The following RAB3GAP2 variants were observed in gnomAD, a reference collection of about 807,000 sequenced individuals.
RAB3GAP2 encodes the protein RAB3 GTPase activating non-catalytic protein subunit 2.
In RAB3GAP2, 87 loss-of-function variants were observed where a neutral mutation model predicts 185.3. The ratio of observed to expected loss-of-function variants is 0.47; its 90% CI spans 0.39 to 0.56. RAB3GAP2 has a LOEUF of 0.56. Among genes scored for constraint, RAB3GAP2 ranks in the 20% least tolerant of loss-of-function variants. RAB3GAP2 has a pLI of 0.00. For synonymous variants in RAB3GAP2, 554 were observed against 576.1 expected (o/e 0.96, Z 0.55); for missense variants, 1,492 against 1,638.2 (o/e 0.91, Z 1.54).
Position 220,216,661 on chromosome 1 carries a change from ACT to A in RAB3GAP2, c.181-2684_181-2683del, listed in dbSNP as rs543534564. ...TGATAAGAAATTAGGAGGGTCCAAA[ACT>A]CTTTGATTGGTCTCTGACTCTTATC... On this transcript the variant is annotated intron_variant, in intron 2 of 34. Coordinates refer to ENST00000358951, the MANE Select transcript of RAB3GAP2 (RefSeq NM_012414.4). Among the ~76,000 whole-genome samples, 25 of 152,102 alleles carry A rather than the reference ACT, an allele frequency of 1.6e-4. No homozygotes were observed. The South Asian group carries it at 5.2e-3, about 32-fold the overall frequency.
intron 12 of RAB3GAP2, among the ~76,000 whole-genome samples, chr1:220,193,844 T>C (rs1658671251): frequency 1.3e-5 from 2 of 152,204 alleles, no homozygotes; most frequent in Admixed American, 1.3e-4. Flanking sequence ...TCTAAACTTC[T>C]GTTGTTCTAT....
At chr1:220,180,859 G>T (rs1005156403) in intron 21 of RAB3GAP2, among the ~76,000 whole-genome samples, 1 of 152,092 alleles carries the variant, frequency 6.6e-6, no homozygotes, top group Admixed American at 6.5e-5. Context: ...AAATGGGGGT[G>T]TGTGAAAGAG....
At chr1:220,247,524 G>A (rs1271413946) in intron 1 of RAB3GAP2, among the ~76,000 whole-genome samples, 1 of 152,176 alleles carries the variant, frequency 6.6e-6, no homozygotes, top group African/African-American at 2.4e-5. Context: ...AAAACCGTAT[G>A]TCCTCCCTTG....
chr1:220,149,347 TTGTC>T lies in RAB3GAP2; in HGVS notation c.*1900_*1903del, dbSNP rs1311591560. Reference sequence around the variant, plus strand: ...TGTTCTCAGCAATCCCCAGATTTGATTGTCTGTTCTACCAGAGTAAGCTTAACCA... The same window carrying T: ...TGTTCTCAGCAATCCCCAGATTTGATTGTTCTACCAGAGTAAGCTTAACCA... On this transcript the variant is annotated 3_prime_UTR_variant, in exon 35 of 35. Coordinates refer to ENST00000358951, the MANE Select transcript of RAB3GAP2 (RefSeq NM_012414.4). The T allele has an allele frequency of 2.0e-5, 3 of 152,208 alleles. No individual in the cohort carries two copies. Among genetic ancestry groups the T allele is most frequent in the African/African-American group, 4.8e-5 (2 of 41,456 alleles). 9.4% of individuals were successfully genotyped at this position (152,208 alleles called of 1,614,324 possible). A position where few individuals can be genotyped will look rare whatever the true frequency, so the allele number is the denominator to read the frequency against.
intron 31 of RAB3GAP2, among the ~76,000 whole-genome samples, chr1:220,156,235 G>C (rs1657854751): frequency 6.6e-6 from 1 of 152,132 alleles, no homozygotes; most frequent in Non-Finnish European, 1.5e-5. Flanking sequence ...ACAGGTGTGA[G>C]CCACCATGAC....
At chr1:220,243,085 C>A (rs2667967) in intron 1 of RAB3GAP2, among the ~76,000 whole-genome samples, 1 of 151,926 alleles carries the variant, frequency 6.6e-6, no homozygotes, top group Non-Finnish European at 1.5e-5. Context: ...CTGGGCACGG[C>A]GGCTCACGCC....
intron 9 of RAB3GAP2, among the ~76,000 whole-genome samples, chr1:220,197,980 C>G (rs144342940): frequency 6.6e-6 from 1 of 152,278 alleles, no homozygotes; most frequent in East Asian, 1.9e-4. Context: ...AGCTTTCCAT[C>G]TCAATTACTC....
intron 7 of RAB3GAP2, among the ~76,000 whole-genome samples, chr1:220,207,334 T>C (rs753639233): frequency 2.6e-5 from 4 of 152,248 alleles, no homozygotes; most frequent in Non-Finnish European, 2.9e-5. Context: ...TGTTTCTCTA[T>C]ATTGTCATCA....
intron 1 of RAB3GAP2, among the ~76,000 whole-genome samples, chr1:220,245,320 G>A (rs1294084406): frequency 1.3e-5 from 2 of 152,152 alleles, no homozygotes; most frequent in Non-Finnish European, 2.9e-5. Context: ...CGCACCATGC[G>A]CGAGCCGAAG....
At chr1:220,183,885 C>T (rs1296062998) in intron 19 of RAB3GAP2, 151 bp downstream of exon 19, 1 of 574,152 alleles carries the variant, frequency 1.7e-6, no homozygotes, top group Non-Finnish European at 3.0e-6. Flanking sequence ...AGCAGCAAAG[C>T]ACAGAGAGCT....
chr1:220,162,434 A>T (rs1657980833), intron 27 of RAB3GAP2, among the ~76,000 whole-genome samples, 166 bp from the exon 28 acceptor site: 1 of 152,230 alleles, frequency 6.6e-6, no homozygotes, highest in Non-Finnish European at 1.5e-5. Context: ...ATTTCATTTA[A>T]AATCTGATTT....
intron 19 of RAB3GAP2, 53 bp downstream of exon 19, chr1:220,183,983 T>C: frequency 5.9e-6 from 8 of 1,366,876 alleles, no homozygotes; most frequent in Non-Finnish European, 7.9e-6. Flanking sequence ...TTTTAAAAAG[T>C]AAAACTAATC....
At position 220,232,826 on chromosome 1, in the gene RAB3GAP2, T is replaced by C. The variant is rs746465742; in HGVS notation, c.153A>G (p.Ala51=). 2 of 1,613,848 alleles carry C rather than the reference T, an allele frequency of 1.2e-6. No homozygotes were observed. Among genetic ancestry groups the C allele is most frequent in the East Asian group, 4.5e-5 (2 of 44,856 alleles). ...GTTCTTGTGGTTCATTTTCTTCCCA[T>C]GCTCCCCAACCATCATCTTCCCAGT... The part of the protein sequence containing the change: ...STDWEDDGWG[A]WEENEPQEPE... The change falls in exon 2 of 35, where the codon GCA becomes GCG. Residue 51 remains alanine, a synonymous_variant. Coordinates refer to ENST00000358951, the MANE Select transcript of RAB3GAP2 (RefSeq NM_012414.4).
intron 23 of RAB3GAP2, 115 bp downstream of exon 23, chr1:220,171,774 C>T (rs1171225159): frequency 1.7e-5 from 19 of 1,111,352 alleles, no homozygotes; most frequent in Non-Finnish European, 2.6e-5. Context: ...TTAAGGGGAG[C>T]ACCTCTCATC....
rs1245957968 is a variant in RAB3GAP2, at chr1:220,150,412, GA to G, written c.*838del. The G allele has an allele frequency of 6.8e-6, 1 of 148,136 alleles. No individual in the cohort carries two copies. Among genetic ancestry groups the G allele is most frequent in the African/African-American group, 2.5e-5 (1 of 40,228 alleles). The allele number at this position is 148,136 out of a possible 1,614,324, so 9.2% of individuals were successfully genotyped here. On this transcript the variant is annotated 3_prime_UTR_variant, in exon 35 of 35. Coordinates refer to ENST00000358951, the MANE Select transcript of RAB3GAP2 (RefSeq NM_012414.4). ...CAGAAGCATTTCTAAACACTTGTAG[GA>G]AAAATAAAGTCGGACTTAAAATTTT...
At chr1:220,218,318 A>G (rs576433714) in intron 2 of RAB3GAP2, among the ~76,000 whole-genome samples, 21 of 152,284 alleles carry the variant, frequency 1.4e-4, no homozygotes, top group Admixed American at 1.4e-3. Flanking sequence ...GTAAAGTTGG[A>G]TATGTACAAC....
intron 3 of RAB3GAP2, among the ~76,000 whole-genome samples, chr1:220,213,285 C>T (rs975360997): frequency 3.9e-5 from 6 of 151,962 alleles, no homozygotes; most frequent in Non-Finnish European, 8.8e-5. Flanking sequence ...CATCAGATGA[C>T]GGAGAAAATT....
At chr1:220,266,514 A>G in intron 1 of RAB3GAP2, 1 of 616,550 alleles carries the variant, frequency 1.6e-6, no homozygotes, top group Non-Finnish European at 2.9e-6. Context: ...CTTTCACTTC[A>G]GAGTGTCATG....
chr1:220,227,511 T>G (rs1347472027), intron 2 of RAB3GAP2, among the ~76,000 whole-genome samples: 1 of 152,198 alleles, frequency 6.6e-6, no homozygotes, highest in African/African-American at 2.4e-5. Context: ...TTAGTGTTTT[T>G]GCCGAACTCA....
Sources: allele counts gnomAD v4.1 joint callset (sites outside exome capture counted in the v4.1 genomes callset), GRCh38; gene constraint gnomAD v4.1.1; transcripts MANE v1.5; gene names NCBI Gene and HGNC (gene_info 2026-07-23, HGNC 2026-07-21).